CDH12: variants seen among roughly 807,000 people sequenced by gnomAD.
CDH12 encodes cadherin 12.
Under a neutral mutation model 74.1 loss-of-function variants are expected in CDH12, and 41 were observed. The observed-to-expected ratio is 0.55, with a 90% CI of 0.43 to 0.72. The LOEUF is 0.72. Among genes scored for constraint, CDH12 ranks in the 30% least tolerant of loss-of-function variants. The pLI, the probability that CDH12 is intolerant of heterozygous loss-of-function variation, is 0.00. For missense variants in CDH12, 945 were observed against 977.2 expected (o/e 0.97, Z 0.44); for synonymous variants, 399 against 355.0 (o/e 1.12, Z -1.39).
chr5:22,419,718 A>G (rs1319401467), intron 2 of CDH12, among the ~76,000 whole-genome samples: 1 of 152,158 alleles, frequency 6.6e-6, no homozygotes, highest in Non-Finnish European at 1.5e-5. Flanking sequence ...TATTTGAGGA[A>G]TTGCCATACT....
chr5:22,612,527 A>G (rs534300822), intron 1 of CDH12, among the ~76,000 whole-genome samples: 1 of 151,912 alleles, frequency 6.6e-6, no homozygotes, highest in Non-Finnish European at 1.5e-5. Context: ...TCTCCCTTTT[A>G]TTATTTTCTT....
At chr5:21,884,027 T>G in intron 6 of CDH12, 3 of 1,463,578 alleles carry the variant, frequency 2.0e-6, no homozygotes, top group Non-Finnish European at 2.9e-6. Context: ...CAATGACCAC[T>G]GCTACGAATG....
chr5:22,127,118 A>C (rs1424462240), intron 4 of CDH12, among the ~76,000 whole-genome samples: 1 of 152,146 alleles, frequency 6.6e-6, no homozygotes, highest in Non-Finnish European at 1.5e-5. Context: ...TCTATCAAAA[A>C]CAACTATATT....
At chr5:22,630,019 A>C (rs394422) in intron 1 of CDH12, among the ~76,000 whole-genome samples, 71,971 of 151,878 alleles carry the variant, frequency 0.47, 17,225 homozygotes, top group Admixed American at 0.57. Context: ...TAATCAAAAT[A>C]AAATAAAATA....
intron 2 of CDH12, among the ~76,000 whole-genome samples, chr5:22,406,426 T>C (rs1326827649): frequency 6.6e-6 from 1 of 152,140 alleles, no homozygotes; most frequent in East Asian, 1.9e-4. Flanking sequence ...ATTAATTGTA[T>C]TCCTCAGCTA....
chr5:22,839,540 A>T (rs1260435437), intron 1 of CDH12, among the ~76,000 whole-genome samples: 1 of 152,012 alleles, frequency 6.6e-6, no homozygotes, highest in Non-Finnish European at 1.5e-5. Flanking sequence ...CATTTTTAGT[A>T]GAGACAGGGT....
intron 2 of CDH12, among the ~76,000 whole-genome samples, chr5:22,498,938 C>G (rs1386917688): frequency 1.7e-5 from 2 of 117,226 alleles, no homozygotes; most frequent in African/African-American, 6.9e-5. Flanking sequence ...TAGTCTTGCC[C>G]TGACACCCAG....
At chr5:22,538,990 G>A (rs919525018) in intron 1 of CDH12, among the ~76,000 whole-genome samples, 3 of 152,076 alleles carry the variant, frequency 2.0e-5, no homozygotes, top group South Asian at 2.1e-4. Flanking sequence ...CAAACTCCTG[G>A]GCTCAAGTGA....
intron 2 of CDH12, among the ~76,000 whole-genome samples, chr5:22,457,170 A>C (rs1745310382): frequency 6.6e-6 from 1 of 152,032 alleles, no homozygotes; most frequent in African/African-American, 2.4e-5. Flanking sequence ...TTGCCAGGGG[A>C]AACATTCCAA....
At chr5:22,623,104 C>T (rs1021377547) in intron 1 of CDH12, among the ~76,000 whole-genome samples, 3 of 152,096 alleles carry the variant, frequency 2.0e-5, no homozygotes, top group Non-Finnish European at 2.9e-5. Context: ...AAAAGGCCTT[C>T]AACAAAATTC....
intron 1 of CDH12, among the ~76,000 whole-genome samples, chr5:22,535,334 T>C (rs1348540985): frequency 6.6e-6 from 1 of 151,808 alleles, no homozygotes; most frequent in Non-Finnish European, 1.5e-5. Flanking sequence ...TTTTTTGTAT[T>C]TTTAGTAGAG....
At chr5:21,894,717 T>A (rs1372648593) in intron 6 of CDH12, among the ~76,000 whole-genome samples, 2 of 152,094 alleles carry the variant, frequency 1.3e-5, no homozygotes, top group African/African-American at 2.4e-5. Flanking sequence ...GACTCCAGGT[T>A]TTTTTGACCA....
At chr5:21,879,453 C>A (rs2150029119) in intron 6 of CDH12, among the ~76,000 whole-genome samples, 2 of 152,194 alleles carry the variant, frequency 1.3e-5, no homozygotes, top group South Asian at 4.2e-4. Flanking sequence ...TTACTTATGG[C>A]AGTGAAATAT....
At chr5:22,613,001 C>A (rs941630813) in intron 1 of CDH12, among the ~76,000 whole-genome samples, 38 of 152,120 alleles carry the variant, frequency 2.5e-4, no homozygotes, top group African/African-American at 8.7e-4. Flanking sequence ...TCCTTATTCA[C>A]TTTATCTGGA....
intron 5 of CDH12, among the ~76,000 whole-genome samples, chr5:21,999,122 A>C (rs544773260): frequency 0.013 from 2,035 of 151,914 alleles, 52 homozygotes; most frequent in African/African-American, 0.047. Flanking sequence ...TTTTTTCTTT[A>C]TTTATTTTAC....
intron 4 of CDH12, among the ~76,000 whole-genome samples, chr5:22,090,470 A>G (rs930060199): frequency 4.7e-5 from 7 of 150,420 alleles, no homozygotes; most frequent in Non-Finnish European, 1.0e-4. Context: ...AATAATTAAT[A>G]TAAAACCTCT....
intron 5 of CDH12, among the ~76,000 whole-genome samples, chr5:21,986,077 C>T (rs1463377334): frequency 2.0e-5 from 3 of 152,046 alleles, no homozygotes; most frequent in Admixed American, 2.0e-4. Context: ...TGAGAACTCC[C>T]CTGCCTGAGT....
chr5:22,549,742 AG>A (rs1429486889), intron 1 of CDH12, among the ~76,000 whole-genome samples: 2 of 152,182 alleles, frequency 1.3e-5, no homozygotes, highest in East Asian at 3.9e-4. Context: ...ATCCACTGTG[AG>A]ATAATTGAAT....
At position 21,854,888 on chromosome 5, in the gene CDH12, C is replaced by A. The variant is rs57748290; in HGVS notation, c.527-98G>T. ...ACTCGATTTTCCTTTGGTATTTGAC[C>A]TACGTCAAGTACACCATGAGTACAT... is the stretch of plus-strand genomic sequence containing the variant. On this transcript the variant is annotated intron_variant, in intron 6 of 14. Transcript: ENST00000382254. 2,305 of 1,081,364 alleles carry A rather than the reference C, an allele frequency of 2.1e-3. 38 individuals carry two copies. The African/African-American group carries it at 0.031, about 14-fold the overall frequency. 67.0% of individuals were successfully genotyped at this position (1,081,364 alleles called of 1,614,324 possible).
Sources: allele counts gnomAD v4.1 joint callset (sites outside exome capture counted in the v4.1 genomes callset), GRCh38; gene constraint gnomAD v4.1.1; transcripts MANE v1.5; gene names NCBI Gene and HGNC (gene_info 2026-07-23, HGNC 2026-07-21).